The following SLC44A5 variants were observed in gnomAD, a reference collection of about 807,000 sequenced individuals.
The protein encoded by SLC44A5 is choline transporter-like protein 5.
In SLC44A5, 57 loss-of-function variants were observed where a neutral mutation model predicts 101.8. The ratio of observed to expected loss-of-function variants is 0.56; its 90% CI spans 0.45 to 0.70. The LOEUF is 0.70. Ranked by LOEUF, SLC44A5 falls within the 30% of genes least tolerant of loss-of-function variation. The pLI is 0.00. For missense variants in SLC44A5, 737 were observed against 853.1 expected, an observed-to-expected ratio of 0.86 and a Z score of 1.70; for synonymous variants, 281 against 290.9, an observed-to-expected ratio of 0.97 and a Z score of 0.35.
At chr1:75,613,609 A>C (rs922660389), upstream of SLC44A5, among the ~76,000 whole-genome samples, 3 of 152,254 alleles carry the variant, frequency 2.0e-5, no homozygotes, top group Non-Finnish European at 4.4e-5. Context: ...GAGCTAAGTA[A>C]CATAACTTTT....
chr1:75,529,419 C>T (rs1426336739), intron 2 of SLC44A5, among the ~76,000 whole-genome samples: 1 of 152,178 alleles, frequency 6.6e-6, no homozygotes, highest in Non-Finnish European at 1.5e-5. Context: ...TTAGCACCCA[C>T]ACAGTCCATC....
chr1:75,237,527 C>A (rs1411921766), intron 10 of SLC44A5, among the ~76,000 whole-genome samples: 2 of 152,066 alleles, frequency 1.3e-5, no homozygotes, highest in Admixed American at 6.6e-5. Context: ...TCAAAGTGAA[C>A]ACATTTATGT....
the SLC44A5 span, among the ~76,000 whole-genome samples, chr1:75,648,741 G>A: frequency 6.6e-6 from 1 of 151,986 alleles, no homozygotes; most frequent in Admixed American, 6.6e-5. Context: ...TGAAGATACA[G>A]TTCAGGGAAT....
chr1:75,672,822 CCAGGATGACATTCA>C, the SLC44A5 span, among the ~76,000 whole-genome samples: 1 of 152,136 alleles, frequency 6.6e-6, no homozygotes, highest in Non-Finnish European at 1.5e-5. Context: ...GGCCCTAGCT[CCAGGATGACATTCA>C]TAGACATGCC....
chr1:75,391,839 A>C (rs75221952), intron 3 of SLC44A5, among the ~76,000 whole-genome samples: 3,194 of 152,310 alleles, frequency 0.021, 95 homozygotes, highest in African/African-American at 0.063. Context: ...TAAGTCCACA[A>C]AAGCAATTTT....
At chr1:75,232,994 C>T (rs1412586960) in intron 12 of SLC44A5, among the ~76,000 whole-genome samples, 2 of 152,056 alleles carry the variant, frequency 1.3e-5, no homozygotes, top group Admixed American at 6.6e-5. Context: ...CAAATGGTGC[C>T]GTAGGGGAAA....
intron 2 of SLC44A5, among the ~76,000 whole-genome samples, chr1:75,504,958 C>T (rs1187191833): frequency 6.6e-6 from 1 of 152,104 alleles, no homozygotes; most frequent in East Asian, 1.9e-4. Flanking sequence ...ATAGTGAGCA[C>T]AGTACCCAAT....
chr1:75,388,208 TAATAAATA>T lies in SLC44A5; in HGVS notation c.52+8367_52+8374del, dbSNP rs71071944. Among the ~76,000 whole-genome samples the T allele has an allele frequency of 4.6e-3, 600 of 129,112 alleles. 6 individuals are homozygous for T. The highest frequency in any genetic ancestry group is 0.018 in the African/African-American group (577 of 32,290). The allele number at this position is 129,112 out of a possible 152,430, so 84.7% of individuals were successfully genotyped here. A position where few individuals can be genotyped will look rare whatever the true frequency, so the allele number is the denominator to read the frequency against. ...CACATGTACCCTAAAACTTAAAGTG[TAATAAATA>T]AATAAATAAATAAATAAATCCAAAA... On this transcript the variant is annotated intron_variant, in intron 3 of 23. Transcript: ENST00000370859.
At chr1:75,677,707 G>C in the SLC44A5 span, 1 of 424,328 alleles carries the variant, frequency 2.4e-6, no homozygotes, top group Admixed American at 2.8e-5. Flanking sequence ...AAAAAAACAA[G>C]ACCCAGTGCA....
chr1:75,606,322 G>C (rs577679201), intron 1 of SLC44A5, among the ~76,000 whole-genome samples: 1 of 151,882 alleles, frequency 6.6e-6, no homozygotes, highest in African/African-American at 2.4e-5. Context: ...GAAGATAAAA[G>C]AGAAACATCC....
At chr1:75,430,912 T>A (rs1190051354) in intron 2 of SLC44A5, among the ~76,000 whole-genome samples, 1 of 152,322 alleles carries the variant, frequency 6.6e-6, no homozygotes, top group African/African-American at 2.4e-5. Context: ...TCTTGTAACT[T>A]TGCCCAAGCA....
the SLC44A5 span, among the ~76,000 whole-genome samples, chr1:75,633,659 T>C: frequency 6.6e-6 from 1 of 152,068 alleles, no homozygotes; most frequent in Non-Finnish European, 1.5e-5. Flanking sequence ...AATCATGTCA[T>C]CTGCAAACAG....
At chr1:75,604,643 T>C (rs211695) in intron 1 of SLC44A5, among the ~76,000 whole-genome samples, 52,195 of 151,996 alleles carry the variant, frequency 0.34, 9,370 homozygotes, top group Non-Finnish European at 0.4. Flanking sequence ...TTCCAATCCA[T>C]GATCATGGAA....
intron 1 of SLC44A5, among the ~76,000 whole-genome samples, chr1:75,567,208 C>G (rs1489625612): frequency 6.6e-6 from 1 of 151,626 alleles, no homozygotes; most frequent in Non-Finnish European, 1.5e-5. Flanking sequence ...TAACTTTTTG[C>G]ACTTTTTCCA....
chr1:75,428,608 C>T (rs961905139), intron 2 of SLC44A5, among the ~76,000 whole-genome samples: 6 of 152,190 alleles, frequency 3.9e-5, no homozygotes, highest in African/African-American at 1.4e-4. Context: ...CAAGAGGGCA[C>T]TATTTAGCAT....
At chr1:75,640,934 G>A in the SLC44A5 span, among the ~76,000 whole-genome samples, 43 of 152,052 alleles carry the variant, frequency 2.8e-4, no homozygotes, top group African/African-American at 9.2e-4. Flanking sequence ...AAAGTCCCAC[G>A]GAAATAGTCA....
chr1:75,386,542 G>T (rs1276028609), intron 3 of SLC44A5, among the ~76,000 whole-genome samples: 6 of 152,134 alleles, frequency 3.9e-5, no homozygotes, highest in Non-Finnish European at 8.8e-5. Flanking sequence ...ACAAACCGCT[G>T]CTCAAGGAAA....
At position 75,237,051 on chromosome 1, in the gene SLC44A5, C is replaced by A. The variant is rs143251034; in HGVS notation, c.676G>T (p.Asp226Tyr). ...IAANGINKLLDAKSLGLKVFE... is the reference protein window; with the variant it reads ...IAANGINKLLYAKSLGLKVFE... ...ACTTTCAATCCAAGTGACTTTGCAT[C>A]AAGAAGTTTATTGATACCACTGCAT... is the stretch of plus-strand genomic sequence containing the variant. The change falls in exon 11 of 24, where the codon GAT becomes TAT. Residue 226 changes from aspartate to tyrosine, a missense_variant. Coordinates refer to ENST00000370859, the MANE Select transcript of SLC44A5 (RefSeq NM_001130058.2). The A allele has an allele frequency of 2.0e-4, 323 of 1,602,430 alleles. No individual in the cohort carries two copies. The highest frequency in any genetic ancestry group is 1.5e-3 in the Middle Eastern group (9 of 5,994).
chr1:75,536,631 G>GAAAAAAAAAAAAAAAGA (rs150362895), intron 2 of SLC44A5, among the ~76,000 whole-genome samples: 1 of 126,740 alleles, frequency 7.9e-6, no homozygotes, highest in Non-Finnish European at 1.6e-5. Flanking sequence ...AGAAAAGAAA[G>GAAAAAAAAAAAAAAAGA]AAAAAAAAAG....
Sources: gnomAD v4.1 joint callset for allele counts (sites outside exome capture counted in the v4.1 genomes callset) on GRCh38, gnomAD v4.1.1 for gene constraint, MANE v1.5 for transcripts, NCBI Gene and HGNC (gene_info 2026-07-23, HGNC 2026-07-21) for gene names.